Variants in MAEA observed in about 807,000 individuals in gnomAD.
MAEA encodes the protein E3 ubiquitin-protein transferase MAEA.
A neutral mutation model predicts 46.2 loss-of-function variants in MAEA; 22 were observed. The observed-to-expected ratio is 0.48, with a 90% CI of 0.34 to 0.68. The LOEUF (loss-of-function observed/expected upper bound fraction) is 0.68. Ranked by LOEUF, MAEA falls within the 30% of genes least tolerant of loss-of-function variation. The probability of loss-of-function intolerance (pLI) is 0.01; values close to 1 mark genes in which losing one functional copy is unlikely to be tolerated. For synonymous variants in MAEA, 246 were observed against 222.6 expected, an observed-to-expected ratio of 1.11 and a Z score of -0.94; for missense variants, 393 against 558.1, an observed-to-expected ratio of 0.70 and a Z score of 2.98.
chr4:1,327,361 C>T (rs111311543), intron 4 of MAEA, among the ~76,000 whole-genome samples: 209 of 152,340 alleles, frequency 1.4e-3, no homozygotes, highest in African/African-American at 4.7e-3. Context: ...CCCTGGCCTT[C>T]GGGTTGAAAT....
chr4:1,332,710 T>A, intron 5 of MAEA, 47 bp from the exon 6 acceptor site: 2 of 1,487,332 alleles, frequency 1.3e-6, no homozygotes, highest in Non-Finnish European at 1.9e-6. Flanking sequence ...TCTCTAAAAG[T>A]TAAAATTAAA....
intron 4 of MAEA, among the ~76,000 whole-genome samples, chr4:1,323,314 G>A (rs1738388021): frequency 1.3e-5 from 2 of 152,098 alleles, no homozygotes; most frequent in African/African-American, 4.8e-5. Flanking sequence ...ATTTAAACCT[G>A]CTTATTAAAA....
At chr4:1,316,247 G>T (rs566873931) in intron 3 of MAEA, among the ~76,000 whole-genome samples, 1 of 151,512 alleles carries the variant, frequency 6.6e-6, no homozygotes, top group Admixed American at 6.6e-5. Context: ...CTGAGCAGAC[G>T]CTGGGCGGTG....
intron 1 of MAEA, chr4:1,309,515 G>A (rs1736200512): frequency 5.2e-6 from 7 of 1,356,868 alleles, no homozygotes; most frequent in Non-Finnish European, 5.7e-6. Flanking sequence ...CTGCTGGAGG[G>A]AGAGGGGGTG....
chr4:1,316,758 C>G lies in MAEA; in HGVS notation c.456+1158C>G, dbSNP rs112561229. Among the ~76,000 whole-genome samples, 355 of 152,242 alleles carry G rather than the reference C, an allele frequency of 2.3e-3. 1 individual carries two copies. The highest frequency in any genetic ancestry group is 5.0e-3 in the South Asian group (24 of 4,834). On this transcript the variant is annotated intron_variant, in intron 3 of 8. Transcript: ENST00000303400. ...CCCCAGCACAAGGCTCCCTTCCCAG[C>G]CTTGGAGGCGGCCTCACATTGTGCA...
At chr4:1,326,568 C>T (rs554864686) in intron 4 of MAEA, among the ~76,000 whole-genome samples, 31 of 152,282 alleles carry the variant, frequency 2.0e-4, no homozygotes, top group African/African-American at 7.2e-4. Context: ...CTTAGGTGCA[C>T]GTGAGAGGCT....
At chr4:1,334,183 T>TGCCCAC (rs1712426883) in intron 6 of MAEA, among the ~76,000 whole-genome samples, 1 of 106,250 alleles carries the variant, frequency 9.4e-6, no homozygotes, top group Admixed American at 9.1e-5. Context: ...CCTGTGCTCA[T>TGCCCAC]CACACTGGGA....
At position 1,336,961 on chromosome 4, in the gene MAEA, C is replaced by T. The variant is rs777003396; in HGVS notation, c.866C>T (p.Thr289Ile). ...GGAAACAATTCTGTGTTCACCCTCA[C>T]CCTGCAGGCTGGCCTCTCAGCCATC... ...QLGNNSVFTL[T>I]LQAGLSAIKT... is the part of the protein sequence containing the mutation. Residue 289 changes from threonine (T) to isoleucine (I), a missense_variant, in exon 7 of 9, where the codon ACC (threonine) becomes ATC (isoleucine). By Grantham distance (89) the Thr-to-Ile change is moderately conservative. This residue lies in a region of MAEA where 358 missense variants were observed against 537.9 expected (regional missense o/e 0.67). Coordinates refer to ENST00000303400, the MANE Select transcript of MAEA (RefSeq NM_001017405.3). The T allele has an allele frequency of 1.9e-6, 3 of 1,613,980 alleles. No homozygotes were observed. Among genetic ancestry groups the T allele is most frequent in the African/African-American group, 1.3e-5 (1 of 74,934 alleles).
intron 1 of MAEA, among the ~76,000 whole-genome samples, chr4:1,296,653 T>G (rs1734759381): frequency 6.6e-6 from 1 of 150,450 alleles, no homozygotes. Flanking sequence ...GCCCCCGTCC[T>G]CCTCCAGCTA....
intron 1 of MAEA, chr4:1,299,807 C>T (rs983495484): frequency 1.3e-5 from 2 of 152,320 alleles, no homozygotes; most frequent in Non-Finnish European, 2.9e-5. Flanking sequence ...GCTTCTCTGA[C>T]TCCACTGTTG....
chr4:1,305,970 A>T (rs1013493247), intron 1 of MAEA, among the ~76,000 whole-genome samples: 2 of 152,168 alleles, frequency 1.3e-5, no homozygotes, highest in East Asian at 3.9e-4. Flanking sequence ...TTTTAGTCCA[A>T]GTGCAAAGGC....
chr4:1,332,560 T>A (rs1711977551), intron 5 of MAEA, 197 bp from the exon 6 acceptor site: 2 of 482,514 alleles, frequency 4.1e-6, no homozygotes, highest in Non-Finnish European at 7.5e-6. Context: ...AACAAGATGT[T>A]TTTTACATTA....
chr4:1,339,051 G>T, intron 8 of MAEA, 23 bp from the exon 9 acceptor site: 1 of 1,572,606 alleles, frequency 6.4e-7, no homozygotes, highest in Non-Finnish European at 8.8e-7. Context: ...TTGCCTTAAT[G>T]CATTCCCGGT....
At chr4:1,329,726 G>T (rs1739297963) in intron 5 of MAEA, 2 of 985,482 alleles carry the variant, frequency 2.0e-6, no homozygotes, top group Admixed American at 6.2e-5. Context: ...GCATCGGCAG[G>T]ACGTTTGTGG....
At chr4:1,290,622 A>G (rs1378549883) in intron 1 of MAEA, among the ~76,000 whole-genome samples, 3 of 152,222 alleles carry the variant, frequency 2.0e-5, no homozygotes, top group Non-Finnish European at 2.9e-5. Flanking sequence ...AGGATTTGAT[A>G]TGAAGCACCT....
At chr4:1,310,022 C>A (rs566603837) in intron 1 of MAEA, 15 of 1,186,182 alleles carry the variant, frequency 1.3e-5, no homozygotes, top group African/African-American at 6.2e-5. Flanking sequence ...GTGGGTTCCT[C>A]CGCGCGAGCG....
At chr4:1,323,244 C>T (rs981006319) in intron 4 of MAEA, among the ~76,000 whole-genome samples, 6 of 152,026 alleles carry the variant, frequency 3.9e-5, no homozygotes, top group South Asian at 2.1e-4. Context: ...CGTGCCCGGC[C>T]GAGTACCGAC....
chr4:1,317,410 C>T (rs1208930396), intron 3 of MAEA, among the ~76,000 whole-genome samples: 1 of 151,742 alleles, frequency 6.6e-6, no homozygotes, highest in African/African-American at 2.4e-5. Flanking sequence ...GCAGACCCAC[C>T]TGGCCCCACC....
chr4:1,309,522 G>A (rs1464438855), intron 1 of MAEA: 1 of 1,360,372 alleles, frequency 7.4e-7, no homozygotes, highest in African/African-American at 1.5e-5. Context: ...AGGGAGAGGG[G>A]GTGCTGCGCT....
Sources: allele counts gnomAD v4.1 joint callset (sites outside exome capture counted in the v4.1 genomes callset), GRCh38; gene constraint gnomAD v4.1.1; regional missense constraint gnomAD v4.1.1; transcripts MANE v1.5; gene names NCBI Gene and HGNC (gene_info 2026-07-23, HGNC 2026-07-21).